XKR4: variants seen among roughly 807,000 people sequenced by gnomAD.
XKR4 encodes XK-related protein 4.
In XKR4, 12 loss-of-function variants were observed where a neutral mutation model predicts 53.9. The observed-to-expected ratio is 0.22, with a 90% CI of 0.14 to 0.36. The LOEUF (loss-of-function observed/expected upper bound fraction) is 0.36. Ranked by LOEUF, XKR4 falls within the 10% of genes least tolerant of loss-of-function variation. The pLI, the probability that XKR4 is intolerant of heterozygous loss-of-function variation, is 1.00. For synonymous variants in XKR4, 354 were observed against 362.4 expected (o/e 0.98, Z 0.26); for missense variants, 799 against 859.5 (o/e 0.93, Z 0.88).
intron 1 of XKR4, among the ~76,000 whole-genome samples, chr8:55,277,081 G>A (rs532873671): frequency 6.6e-6 from 1 of 152,312 alleles, no homozygotes; most frequent in African/African-American, 2.4e-5. Context: ...GGATCATTGA[G>A]CAATGAGTGA....
intron 1 of XKR4, among the ~76,000 whole-genome samples, chr8:55,298,417 A>G (rs1295302524): frequency 6.6e-6 from 1 of 152,170 alleles, no homozygotes; most frequent in Admixed American, 6.6e-5. Flanking sequence ...TGCAGGCTCT[A>G]CAAGCATGGC....
intron 1 of XKR4, among the ~76,000 whole-genome samples, chr8:55,286,500 G>A (rs62519088): frequency 0.18 from 27,398 of 152,156 alleles, 3,295 homozygotes; most frequent in East Asian, 0.45. Context: ...GCTTCCTAGG[G>A]GATACGGGGG....
intron 1 of XKR4, among the ~76,000 whole-genome samples, chr8:55,122,069 G>T (rs1816398932): frequency 6.6e-6 from 1 of 152,162 alleles, no homozygotes; most frequent in South Asian, 2.1e-4. Context: ...TATTAGCTAG[G>T]ATTGAGCTGA....
intron 2 of XKR4, among the ~76,000 whole-genome samples, 173 bp from the exon 3 acceptor site, chr8:55,523,108 C>T (rs1485556506): frequency 6.7e-6 from 1 of 150,308 alleles, no homozygotes; most frequent in Non-Finnish European, 1.5e-5. Flanking sequence ...TGCCACTGCA[C>T]TCCAGTCTGG....
rs1175276683 is a variant in XKR4 at position 55,455,069 on chromosome 8, T to C, written c.1007-68212T>C. 9.9e-6 allele frequency: 7 copies of C among 710,560 alleles called. No individual in the cohort carries two copies. The East Asian group carries it at 1.3e-4, about 13-fold the overall frequency. The allele number at this position is 710,560 out of a possible 1,614,324, so 44.0% of individuals were successfully genotyped here. On this transcript the variant is annotated intron_variant, in intron 2 of 2. Coordinates refer to ENST00000327381, the MANE Select transcript of XKR4 (RefSeq NM_052898.2). ...CGGGAAGAACTGCAGAATCTGGCCC[T>C]GGCCTTTCCCACTCCCGCGCGGGTG... is the stretch of plus-strand genomic sequence containing the variant.
At chr8:55,256,510 A>G (rs1354784946) in intron 1 of XKR4, among the ~76,000 whole-genome samples, 2 of 152,218 alleles carry the variant, frequency 1.3e-5, no homozygotes, top group African/African-American at 4.8e-5. Flanking sequence ...TTAGGAAACA[A>G]TATCAGCAGA....
At chr8:55,461,346 T>G (rs1805654819) in intron 2 of XKR4, among the ~76,000 whole-genome samples, 1 of 152,230 alleles carries the variant, frequency 6.6e-6, no homozygotes, top group Non-Finnish European at 1.5e-5. Flanking sequence ...CCTTCGCTGC[T>G]GATACCCAGG....
Position 55,239,543 on chromosome 8 carries a change from CCTT to C in XKR4, c.807-118132_807-118130del, listed in dbSNP as rs1285124552. Among the ~76,000 whole-genome samples, 7 of 152,208 alleles carry C rather than the reference CCTT, an allele frequency of 4.6e-5. 1 individual carries two copies. The highest frequency in any genetic ancestry group is 1.3e-4 in the Admixed American group (2 of 15,284). On this transcript the variant is annotated intron_variant, in intron 1 of 2. Coordinates refer to ENST00000327381, the MANE Select transcript of XKR4 (RefSeq NM_052898.2). Reference sequence around the variant, plus strand: ...CTACCTTTTGTCTCTGTGCCACTCTCCTTCTGCTGCCCCACCTGGCTTCTGTTG... The same window carrying C: ...CTACCTTTTGTCTCTGTGCCACTCTCCTGCTGCCCCACCTGGCTTCTGTTG...
intron 1 of XKR4, among the ~76,000 whole-genome samples, chr8:55,247,759 G>A (rs115184018): frequency 0.012 from 1,835 of 151,978 alleles, 46 homozygotes; most frequent in African/African-American, 0.04. Context: ...TTTCTCTTAC[G>A]AGTTCCAGAG....
intron 2 of XKR4, among the ~76,000 whole-genome samples, chr8:55,510,867 C>T (rs1806615453): frequency 6.6e-6 from 1 of 152,172 alleles, no homozygotes; most frequent in African/African-American, 2.4e-5. Flanking sequence ...GGTCCCGTGC[C>T]CTGCGATGAG....
rs1409433592 is a variant in XKR4, at chr8:55,364,152, G to C, written c.1006+6275G>C. 2.6e-5 allele frequency among the ~76,000 whole-genome samples: 4 copies of C among 152,208 alleles called. No homozygotes were observed. In the East Asian group the frequency reaches 5.8e-4, roughly 22 times the overall value. ...CCAGGCAGCCTCTGCCTGAGCAGCC[G>C]TGTGTCCATTGTCAGACAGTTCTGA... is the stretch of plus-strand genomic sequence containing the variant. On this transcript the variant is annotated intron_variant, in intron 2 of 2. Transcript: ENST00000327381.
intron 1 of XKR4, among the ~76,000 whole-genome samples, chr8:55,112,340 T>C (rs1014446167): frequency 2.0e-5 from 3 of 152,038 alleles, no homozygotes; most frequent in Non-Finnish European, 2.9e-5. Context: ...CATGCACATA[T>C]AGAAGTAGGA....
At chr8:55,196,847 G>T (rs1817512989) in intron 1 of XKR4, among the ~76,000 whole-genome samples, 1 of 152,094 alleles carries the variant, frequency 6.6e-6, no homozygotes. Context: ...CCTCTTTTTG[G>T]TGCTCTCTGG....
chr8:55,155,528 G>A (rs1301322916), intron 1 of XKR4, among the ~76,000 whole-genome samples: 1 of 151,306 alleles, frequency 6.6e-6, no homozygotes, highest in Admixed American at 6.6e-5. Flanking sequence ...AGTGCTCTTG[G>A]GAATTTAAGA....
At chr8:55,488,075 C>T (rs1806220842) in intron 2 of XKR4, among the ~76,000 whole-genome samples, 1 of 152,174 alleles carries the variant, frequency 6.6e-6, no homozygotes, top group Non-Finnish European at 1.5e-5. Context: ...TGTATTTCAA[C>T]ATACGGGATT....
chr8:55,524,257 C>T lies in XKR4; in HGVS notation c.*30C>T, dbSNP rs1460781921. The T allele has an allele frequency of 6.3e-7, 1 of 1,584,402 alleles. No homozygotes were observed. Among genetic ancestry groups the T allele is most frequent in the Admixed American group, 1.7e-5 (1 of 58,544 alleles). ...AAAGGAGTTGCAGGACCCACAACATCCAGATGAAGGGGTGACAGCAGGGCT... is the reference window on the plus strand; with the variant it reads ...AAAGGAGTTGCAGGACCCACAACATTCAGATGAAGGGGTGACAGCAGGGCT... On this transcript the variant is annotated 3_prime_UTR_variant, in exon 3 of 3. Coordinates refer to ENST00000327381, the MANE Select transcript of XKR4 (RefSeq NM_052898.2).
intron 1 of XKR4, among the ~76,000 whole-genome samples, chr8:55,170,263 C>T (rs1285470665): frequency 2.0e-5 from 3 of 152,056 alleles, no homozygotes; most frequent in East Asian, 1.9e-4. Flanking sequence ...AAGGGGACTC[C>T]ATGATGCAGA....
intron 1 of XKR4, among the ~76,000 whole-genome samples, chr8:55,350,407 T>A (rs980668992): frequency 6.6e-6 from 1 of 152,194 alleles, no homozygotes; most frequent in Non-Finnish European, 1.5e-5. Flanking sequence ...ATCAAGGAGT[T>A]GCTATGTTGT....
At chr8:55,331,453 G>A (rs1470640353) in intron 1 of XKR4, among the ~76,000 whole-genome samples, 1 of 152,112 alleles carries the variant, frequency 6.6e-6, no homozygotes, top group East Asian at 1.9e-4. Context: ...TTCAATAGAT[G>A]TATTTCAGTC....
Sources: gnomAD v4.1 joint callset for allele counts (sites outside exome capture counted in the v4.1 genomes callset) on GRCh38, gnomAD v4.1.1 for gene constraint, MANE v1.5 for transcripts, NCBI Gene and HGNC (gene_info 2026-07-23, HGNC 2026-07-21) for gene names.